The following ANKRD6 variants were observed in gnomAD, a reference collection of about 807,000 sequenced individuals.
The protein encoded by ANKRD6 is ankyrin repeat domain-containing protein 6.
ANKRD6 carries 56 observed loss-of-function variants against 82.3 expected under a neutral mutation model. The ratio of observed to expected loss-of-function variants is 0.68; its 90% CI spans 0.55 to 0.85. The LOEUF is 0.85. Ranked by LOEUF, ANKRD6 falls within the 40% of genes least tolerant of loss-of-function variation. ANKRD6 has a pLI of 0.00. For missense variants in ANKRD6, 852 were observed against 907.6 expected (o/e 0.94, Z 0.79); for synonymous variants, 347 against 352.1 (o/e 0.99, Z 0.16).
intron 1 of ANKRD6, among the ~76,000 whole-genome samples, chr6:89,483,763 G>T (rs1777053982): frequency 6.6e-6 from 1 of 152,218 alleles, no homozygotes; most frequent in South Asian, 2.1e-4. Context: ...GAAACAGAGA[G>T]ATATATTTGT....
chr6:89,570,220 A>G (rs964202242), intron 2 of ANKRD6, among the ~76,000 whole-genome samples: 2 of 152,034 alleles, frequency 1.3e-5, no homozygotes, highest in Admixed American at 6.6e-5. Flanking sequence ...AGCTGGGACT[A>G]CAGGCATGCA....
chr6:89,618,951 A>T (rs1180695692), intron 9 of ANKRD6, among the ~76,000 whole-genome samples: 2 of 152,248 alleles, frequency 1.3e-5, no homozygotes, highest in African/African-American at 4.8e-5. Context: ...CTGCAAGAAG[A>T]AGATAAAGTC....
chr6:89,487,832 A>G (rs1354647617), intron 1 of ANKRD6, among the ~76,000 whole-genome samples: 1 of 152,226 alleles, frequency 6.6e-6, no homozygotes, highest in East Asian at 1.9e-4. Context: ...TACTGGAAGA[A>G]AAAAAATGAT....
chr6:89,547,520 C>T (rs1785257714), intron 1 of ANKRD6, among the ~76,000 whole-genome samples: 1 of 152,166 alleles, frequency 6.6e-6, no homozygotes, highest in Non-Finnish European at 1.5e-5. Context: ...CCCTGCTCAG[C>T]TAACTCATGT....
At chr6:89,507,623 G>A (rs1780030744) in intron 1 of ANKRD6, among the ~76,000 whole-genome samples, 1 of 152,158 alleles carries the variant, frequency 6.6e-6, no homozygotes, top group Non-Finnish European at 1.5e-5. Flanking sequence ...GAAGAAATAG[G>A]TTACCTTTGA....
At chr6:89,460,918 T>TTTTTTTTTTTTTTG (rs1554213824) in intron 1 of ANKRD6, among the ~76,000 whole-genome samples, 1 of 151,074 alleles carries the variant, frequency 6.6e-6, no homozygotes, top group African/African-American at 2.4e-5. Context: ...TCTTTTTTTT[T>TTTTTTTTTTTTTTG]GAGACCGAGT....
intron 2 of ANKRD6, among the ~76,000 whole-genome samples, chr6:89,572,973 T>A (rs140095314): frequency 6.6e-6 from 1 of 152,334 alleles, no homozygotes; most frequent in Admixed American, 6.5e-5. Flanking sequence ...TTTGTTTGTT[T>A]GTTTTGACAC....
intron 1 of ANKRD6, among the ~76,000 whole-genome samples, chr6:89,515,978 G>T (rs1369749969): frequency 6.6e-6 from 1 of 152,214 alleles, no homozygotes; most frequent in Non-Finnish European, 1.5e-5. Context: ...GAAGCTAAAA[G>T]GGACAAGGAA....
chr6:89,569,882 A>G (rs1173856493), intron 2 of ANKRD6, among the ~76,000 whole-genome samples: 2 of 152,198 alleles, frequency 1.3e-5, no homozygotes, highest in East Asian at 1.9e-4. Context: ...CCCTTAGCCC[A>G]GTCCCATTTA....
intron 2 of ANKRD6, among the ~76,000 whole-genome samples, chr6:89,585,671 G>A (rs908431614): frequency 6.6e-6 from 1 of 152,240 alleles, no homozygotes; most frequent in African/African-American, 2.4e-5. Flanking sequence ...CACTTTGGGA[G>A]GCCAAGGCGG....
chr6:89,553,679 A>G (rs1181027731), intron 1 of ANKRD6, among the ~76,000 whole-genome samples: 1 of 152,138 alleles, frequency 6.6e-6, no homozygotes, highest in African/African-American at 2.4e-5. Context: ...CTGAGGACTC[A>G]GTCTGACTCA....
intron 1 of ANKRD6, among the ~76,000 whole-genome samples, chr6:89,532,502 G>A (rs965737465): frequency 1.3e-5 from 2 of 152,048 alleles, no homozygotes; most frequent in East Asian, 3.9e-4. Flanking sequence ...TGTCACCAGA[G>A]CACACTACAC....
At chr6:89,569,186 A>G (rs1238856937) in intron 2 of ANKRD6, among the ~76,000 whole-genome samples, 1 of 152,158 alleles carries the variant, frequency 6.6e-6, no homozygotes, top group Non-Finnish European at 1.5e-5. Flanking sequence ...AAGTGCTGGG[A>G]TTACAGGCAT....
At chr6:89,512,988 G>A (rs1583016261) in intron 1 of ANKRD6, among the ~76,000 whole-genome samples, 2 of 151,668 alleles carry the variant, frequency 1.3e-5, no homozygotes, top group South Asian at 4.2e-4. Flanking sequence ...GCAGCGGTGG[G>A]ATCATTGCTC....
intron 1 of ANKRD6, among the ~76,000 whole-genome samples, chr6:89,542,509 C>G (rs528554978): frequency 2.0e-5 from 3 of 152,220 alleles, no homozygotes; most frequent in South Asian, 2.1e-4. Context: ...TGACCACCCC[C>G]CCGCTTCCCG....
At chr6:89,556,633 A>G (rs1010615225) in intron 1 of ANKRD6, among the ~76,000 whole-genome samples, 3 of 152,240 alleles carry the variant, frequency 2.0e-5, no homozygotes, top group Non-Finnish European at 4.4e-5. Context: ...GACCGTTGCA[A>G]TAACCCAGGT....
chr6:89,615,187 G>A (rs1801253007), intron 7 of ANKRD6, among the ~76,000 whole-genome samples: 1 of 151,904 alleles, frequency 6.6e-6, no homozygotes, highest in South Asian at 2.1e-4. Flanking sequence ...AGATTGTGGT[G>A]TAGATTAAAA....
chr6:89,462,941 C>G (rs989103095), intron 1 of ANKRD6, among the ~76,000 whole-genome samples: 3 of 150,634 alleles, frequency 2.0e-5, no homozygotes, highest in African/African-American at 7.3e-5. Flanking sequence ...GCTATCAGAG[C>G]TCGCTCAAAC....
chr6:89,616,710 A>C, intron 8 of ANKRD6, 53 bp downstream of exon 8: 2 of 1,549,488 alleles, frequency 1.3e-6, no homozygotes, highest in Non-Finnish European at 1.8e-6. Flanking sequence ...CCTTTCCAGA[A>C]TGGGATGTGT....
Sources: gnomAD v4.1 joint callset for allele counts (sites outside exome capture counted in the v4.1 genomes callset) on GRCh38, gnomAD v4.1.1 for gene constraint, MANE v1.5 for transcripts, NCBI Gene and HGNC (gene_info 2026-07-23, HGNC 2026-07-21) for gene names.